The following RABGAP1L variants were observed in gnomAD, a reference collection of about 807,000 sequenced individuals.
The protein encoded by RABGAP1L is rab GTPase-activating protein 1-like.
RABGAP1L carries 63 observed loss-of-function variants against 137.7 expected under a neutral mutation model. The observed-to-expected ratio is 0.46, with a 90% CI of 0.37 to 0.56. The LOEUF is 0.56. RABGAP1L is among the 20% of genes least tolerant of loss of function. The pLI is 0.00. For missense variants in RABGAP1L, 1,095 were observed against 1,244.0 expected (o/e 0.88, Z 1.80); for synonymous variants, 431 against 433.7 (o/e 0.99, Z 0.08).
At chr1:174,483,872 G>C (rs1214897854) in intron 13 of RABGAP1L, among the ~76,000 whole-genome samples, 1 of 151,982 alleles carries the variant, frequency 6.6e-6, no homozygotes, top group Non-Finnish European at 1.5e-5. Context: ...AAACATTTGA[G>C]TGCAGATATC....
intron 19 of RABGAP1L, among the ~76,000 whole-genome samples, chr1:174,924,385 CAAAAAAAA>C (rs10688718): frequency 1.4e-5 from 1 of 70,130 alleles, no homozygotes; most frequent in Non-Finnish European, 2.5e-5. Context: ...GACTCTGTCT[CAAAAAAAA>C]AAAAAAAAAA....
intron 14 of RABGAP1L, among the ~76,000 whole-genome samples, chr1:174,672,628 C>T (rs965773306): frequency 1.3e-5 from 2 of 151,778 alleles, no homozygotes; most frequent in African/African-American, 4.8e-5. Context: ...GCTTTTGCTG[C>T]ATCCCATAGG....
chr1:174,434,108 T>G (rs377514050), intron 13 of RABGAP1L, among the ~76,000 whole-genome samples: 10 of 134,050 alleles, frequency 7.5e-5, no homozygotes, highest in African/African-American at 2.7e-4. Flanking sequence ...CGTGTACACA[T>G]ACACACACAC....
At chr1:174,584,287 A>G (rs980822029) in intron 13 of RABGAP1L, among the ~76,000 whole-genome samples, 3 of 152,194 alleles carry the variant, frequency 2.0e-5, no homozygotes, top group Non-Finnish European at 4.4e-5. Flanking sequence ...CTGTACAATC[A>G]TATGTGGAGT....
intron 11 of RABGAP1L, among the ~76,000 whole-genome samples, chr1:174,354,668 G>C (rs1376936568): frequency 6.6e-6 from 1 of 152,126 alleles, no homozygotes; most frequent in Non-Finnish European, 1.5e-5. Flanking sequence ...AGTTTAATTA[G>C]ATCCCATTTG....
At chr1:174,917,659 G>A (rs1226450573) in intron 19 of RABGAP1L, among the ~76,000 whole-genome samples, 14 of 152,162 alleles carry the variant, frequency 9.2e-5, no homozygotes, top group Non-Finnish European at 1.6e-4. Flanking sequence ...GAGGCTGGGC[G>A]TGGTGGCTCA....
At chr1:174,437,221 A>G (rs964008420) in intron 13 of RABGAP1L, among the ~76,000 whole-genome samples, 1 of 152,238 alleles carries the variant, frequency 6.6e-6, no homozygotes, top group Non-Finnish European at 1.5e-5. Context: ...TGGACAGAGA[A>G]TGACTTTGAT....
At chr1:174,989,369 C>T (rs1433485787) in intron 25 of RABGAP1L, among the ~76,000 whole-genome samples, 1 of 152,148 alleles carries the variant, frequency 6.6e-6, no homozygotes, top group African/African-American at 2.4e-5. Context: ...CCCAGTGATC[C>T]CTACCAGCAC....
chr1:174,555,734 G>T (rs1666834269), intron 13 of RABGAP1L, among the ~76,000 whole-genome samples: 2 of 152,146 alleles, frequency 1.3e-5, no homozygotes, highest in African/African-American at 4.8e-5. Flanking sequence ...TGGAATCTCT[G>T]TGTAAAGATG....
At chr1:174,431,888 T>C (rs1472119799) in intron 13 of RABGAP1L, among the ~76,000 whole-genome samples, 1 of 152,230 alleles carries the variant, frequency 6.6e-6, no homozygotes, top group Non-Finnish European at 1.5e-5. Context: ...AGAATTTAGA[T>C]GCCTAATGTA....
intron 13 of RABGAP1L, among the ~76,000 whole-genome samples, chr1:174,547,644 T>C (rs571442893): frequency 6.6e-6 from 1 of 152,196 alleles, no homozygotes; most frequent in South Asian, 2.1e-4. Context: ...AAATATATCT[T>C]ATACCATAGG....
chr1:174,533,291 C>T (rs1664595910), intron 13 of RABGAP1L, among the ~76,000 whole-genome samples: 1 of 152,116 alleles, frequency 6.6e-6, no homozygotes, highest in Non-Finnish European at 1.5e-5. Flanking sequence ...CCTCTGGTAC[C>T]ATCGCTCTTC....
chr1:174,716,026 A>T (rs762629213), intron 17 of RABGAP1L, among the ~76,000 whole-genome samples: 3 of 152,228 alleles, frequency 2.0e-5, no homozygotes, highest in Non-Finnish European at 2.9e-5. Context: ...ATAACCTAAC[A>T]CATCCTTCCA....
intron 19 of RABGAP1L, among the ~76,000 whole-genome samples, chr1:174,870,740 CTTT>C (rs796488016): frequency 3.5e-5 from 5 of 141,616 alleles, no homozygotes; most frequent in Admixed American, 7.1e-5. Context: ...ATTATAACTT[CTTT>C]TTTTTTTTTT....
At chr1:174,570,730 C>T (rs1667912811) in intron 13 of RABGAP1L, among the ~76,000 whole-genome samples, 2 of 152,238 alleles carry the variant, frequency 1.3e-5, no homozygotes, top group South Asian at 4.2e-4. Context: ...GATATCATCT[C>T]ATCCCAGTTA....
intron 13 of RABGAP1L, among the ~76,000 whole-genome samples, chr1:174,454,812 A>G (rs1196969143): frequency 6.6e-6 from 1 of 151,934 alleles, no homozygotes; most frequent in East Asian, 1.9e-4. Context: ...TCAGCCCTCC[A>G]AAGTGCTGGG....
chr1:174,333,214 A>T (rs567282474), intron 11 of RABGAP1L, among the ~76,000 whole-genome samples: 1 of 152,312 alleles, frequency 6.6e-6, no homozygotes, highest in South Asian at 2.1e-4. Flanking sequence ...GTACAGTGTT[A>T]CAGTTAGGTA....
chr1:174,533,097 G>T (rs2147896128), intron 13 of RABGAP1L, among the ~76,000 whole-genome samples: 1 of 152,282 alleles, frequency 6.6e-6, no homozygotes, highest in Non-Finnish European at 1.5e-5. Flanking sequence ...AGCCAGGCGT[G>T]GTGGGGCACT....
chr1:174,984,535 G>A (rs557831356), intron 24 of RABGAP1L, among the ~76,000 whole-genome samples: 11 of 152,296 alleles, frequency 7.2e-5, no homozygotes, highest in East Asian at 5.8e-4. Flanking sequence ...GAGGTCAGGC[G>A]TTCAAGACCA....
Sources: allele counts gnomAD v4.1 joint callset (sites outside exome capture counted in the v4.1 genomes callset), GRCh38; gene constraint gnomAD v4.1.1; transcripts MANE v1.5; gene names NCBI Gene and HGNC (gene_info 2026-07-23, HGNC 2026-07-21).